GALNT13: variants seen among roughly 807,000 people sequenced by gnomAD.
GALNT13 encodes UDP-GalNAc:polypeptide N-acetylgalactosaminyltransferase 13.
A neutral mutation model predicts 64.2 loss-of-function variants in GALNT13; 28 were observed. The ratio of observed to expected loss-of-function variants is 0.44; its 90% CI spans 0.32 to 0.60. The LOEUF (loss-of-function observed/expected upper bound fraction) is 0.60, where lower values mean the gene tolerates loss of function less well. GALNT13 is among the 20% of genes least tolerant of loss of function. The probability of loss-of-function intolerance (pLI) is 0.05; values close to 1 mark genes in which losing one functional copy is unlikely to be tolerated. For synonymous variants in GALNT13, 214 were observed against 224.6 expected (o/e 0.95, Z 0.42); for missense variants, 577 against 669.8 (o/e 0.86, Z 1.53).
chr2:154,178,190 G>C (rs1003637633), intron 4 of GALNT13, among the ~76,000 whole-genome samples: 1 of 152,082 alleles, frequency 6.6e-6, no homozygotes, highest in African/African-American at 2.4e-5. Flanking sequence ...AAACTTGCTG[G>C]AGGTCACACA....
At chr2:154,332,066 C>T (rs1486341160) in intron 9 of GALNT13, among the ~76,000 whole-genome samples, 2 of 152,096 alleles carry the variant, frequency 1.3e-5, no homozygotes, top group South Asian at 2.1e-4. Context: ...GCTATTAGCT[C>T]TGGCATTCAA....
At chr2:153,349,088 C>T in the GALNT13 span, among the ~76,000 whole-genome samples, 1 of 152,078 alleles carries the variant, frequency 6.6e-6, no homozygotes, top group Non-Finnish European at 1.5e-5. Flanking sequence ...TCTTAGATTC[C>T]ACCTAATGGA....
chr2:154,250,955 C>G (rs564828529), intron 7 of GALNT13, among the ~76,000 whole-genome samples: 2 of 152,160 alleles, frequency 1.3e-5, no homozygotes, highest in South Asian at 4.1e-4. Context: ...AGTCAATGCT[C>G]TTGCTTACTC....
chr2:153,756,793 A>G, the GALNT13 span, among the ~76,000 whole-genome samples: 3 of 152,242 alleles, frequency 2.0e-5, no homozygotes, highest in Non-Finnish European at 4.4e-5. Flanking sequence ...TTCAGGAAAT[A>G]CAGCTGGGCC....
At chr2:154,393,570 A>G (rs1286976449) in intron 9 of GALNT13, among the ~76,000 whole-genome samples, 1 of 152,202 alleles carries the variant, frequency 6.6e-6, no homozygotes, top group Non-Finnish European at 1.5e-5. Flanking sequence ...ATGTTAAGAT[A>G]GCCCACCATA....
the GALNT13 span, among the ~76,000 whole-genome samples, chr2:153,111,751 T>C: frequency 6.6e-6 from 1 of 152,096 alleles, no homozygotes; most frequent in South Asian, 2.1e-4. Context: ...TAATAGACCA[T>C]ACTAATACTA....
At chr2:153,709,855 C>T in the GALNT13 span, among the ~76,000 whole-genome samples, 1 of 151,880 alleles carries the variant, frequency 6.6e-6, no homozygotes, top group Non-Finnish European at 1.5e-5. Flanking sequence ...ACCTGGAGGA[C>T]AGTATGCTAA....
intron 4 of GALNT13, among the ~76,000 whole-genome samples, chr2:154,239,969 C>T (rs1176609398): frequency 2.0e-5 from 3 of 152,108 alleles, no homozygotes; most frequent in Admixed American, 6.5e-5. Flanking sequence ...CTGTATGTGT[C>T]ATGCATTAAC....
At chr2:154,229,943 T>C (rs538081799) in intron 4 of GALNT13, among the ~76,000 whole-genome samples, 1 of 152,238 alleles carries the variant, frequency 6.6e-6, no homozygotes, top group African/African-American at 2.4e-5. Context: ...ATTTGCGTTT[T>C]TGTCTGCCAT....
chr2:153,907,116 G>C (rs998391981), intron 2 of GALNT13, among the ~76,000 whole-genome samples: 34 of 151,842 alleles, frequency 2.2e-4, no homozygotes, highest in Non-Finnish European at 4.0e-4. Flanking sequence ...TTGTAAATTT[G>C]TTTGAGTTCA....
intron 9 of GALNT13, among the ~76,000 whole-genome samples, chr2:154,351,682 C>CAAA (rs567606376): frequency 2.2e-5 from 1 of 44,668 alleles, no homozygotes; most frequent in Non-Finnish European, 3.8e-5. Flanking sequence ...GACTCCGTCT[C>CAAA]AAAAAAAAAA....
At chr2:154,139,239 C>A (rs1292210118) in intron 3 of GALNT13, among the ~76,000 whole-genome samples, 2 of 152,006 alleles carry the variant, frequency 1.3e-5, no homozygotes, top group African/African-American at 4.8e-5. Flanking sequence ...GCAAAATTTG[C>A]TGGATGTGTT....
At chr2:153,383,015 A>G in the GALNT13 span, among the ~76,000 whole-genome samples, 1 of 152,090 alleles carries the variant, frequency 6.6e-6, no homozygotes, top group Non-Finnish European at 1.5e-5. Context: ...AATTATAGGA[A>G]TATTTAAATA....
the GALNT13 span, among the ~76,000 whole-genome samples, chr2:153,837,630 C>G: frequency 2.0e-5 from 3 of 151,950 alleles, no homozygotes; most frequent in Non-Finnish European, 4.4e-5. Flanking sequence ...GTAACTATAT[C>G]TATAGATAGA....
chr2:153,214,974 A>G, the GALNT13 span, among the ~76,000 whole-genome samples: 1 of 152,092 alleles, frequency 6.6e-6, no homozygotes, highest in Non-Finnish European at 1.5e-5. Context: ...TAGTGTTTAC[A>G]CATTAGAATG....
intron 3 of GALNT13, among the ~76,000 whole-genome samples, chr2:154,091,871 C>T (rs1701825370): frequency 6.6e-6 from 1 of 151,442 alleles, no homozygotes; most frequent in Admixed American, 6.6e-5. Context: ...AAACAAATGA[C>T]TAGTTAAGGT....
chr2:154,117,488 T>G (rs1681650229), intron 3 of GALNT13, among the ~76,000 whole-genome samples: 1 of 146,086 alleles, frequency 6.8e-6, no homozygotes, highest in Non-Finnish European at 1.5e-5. Context: ...CTTCATAGCT[T>G]AGCTCCAACA....
chr2:154,060,206 C>A (rs1354794377), intron 3 of GALNT13, among the ~76,000 whole-genome samples: 1 of 152,026 alleles, frequency 6.6e-6, no homozygotes, highest in African/African-American at 2.4e-5. Flanking sequence ...TCCAGAACTT[C>A]GGAAAATAAA....
At chr2:153,274,248 C>T in the GALNT13 span, among the ~76,000 whole-genome samples, 26,118 of 151,990 alleles carry the variant, frequency 0.17, 2,412 homozygotes, top group Non-Finnish European at 0.21. Flanking sequence ...GCCTGCCTGC[C>T]GTTATTGGAG....
Sources: gnomAD v4.1 joint callset for allele counts (sites outside exome capture counted in the v4.1 genomes callset) on GRCh38, gnomAD v4.1.1 for gene constraint, MANE v1.5 for transcripts, NCBI Gene and HGNC (gene_info 2026-07-23, HGNC 2026-07-21) for gene names.